SEC14L1: variants seen among roughly 807,000 people sequenced by gnomAD.
SEC14L1 encodes the protein SEC14 like lipid binding 1, also known as SEC14-like protein 1.
SEC14L1 carries 48 observed loss-of-function variants against 85.3 expected under a neutral mutation model. The ratio of observed to expected loss-of-function variants is 0.56; its 90% confidence interval spans 0.45 to 0.72. The LOEUF is 0.72. Ranked by LOEUF, SEC14L1 falls within the 30% of genes least tolerant of loss-of-function variation. The pLI, the probability that SEC14L1 is intolerant of heterozygous loss-of-function variation, is 0.00. For synonymous variants in SEC14L1, 391 were observed against 355.5 expected, an observed-to-expected ratio of 1.10 and a Z score of -1.12; for missense variants, 682 against 921.4, an observed-to-expected ratio of 0.74 and a Z score of 3.36.
chr17:77,214,990 C>T lies in SEC14L1; in HGVS notation c.*967C>T, dbSNP rs1195788329. 9.1e-6 allele frequency: 9 copies of T among 985,286 alleles called. No individual in the cohort carries two copies. The South Asian group carries it at 1.9e-4, about 21-fold the overall frequency. The allele number at this position is 985,286 out of a possible 1,614,324, so 61.0% of individuals were successfully genotyped here. On this transcript the variant is annotated 3_prime_UTR_variant, in exon 17 of 17. Transcript: ENST00000436233. ...TTATTAGTAGCTAAGCAGCAGCTCT[C>T]GCATCCACTTCAGGGTGGCGTGTGG... is the stretch of plus-strand genomic sequence containing the variant.
chr17:77,107,094 C>G (rs567023363), intron 3 of SEC14L1, among the ~76,000 whole-genome samples: 2 of 152,344 alleles, frequency 1.3e-5, no homozygotes, highest in South Asian at 4.1e-4. Flanking sequence ...CAATGAAGAG[C>G]TTTAATGACT....
rs1976491851 is a variant in SEC14L1 at position 77,206,952 on chromosome 17, C to A, written c.1476+90C>A. The A allele has an allele frequency of 7.6e-7, 1 of 1,311,020 alleles. No homozygotes were observed. Among genetic ancestry groups the A allele is most frequent in the Non-Finnish European group, 1.0e-6 (1 of 978,982 alleles). The allele number at this position is 1,311,020 out of a possible 1,614,324, so 81.2% of individuals were successfully genotyped here. Reference sequence around the variant, plus strand: ...TTTGCACAAATGATTTTCAGAACTTCCAGTTGTTTGGATGTTTTGTTTTTG... The same window carrying A: ...TTTGCACAAATGATTTTCAGAACTTACAGTTGTTTGGATGTTTTGTTTTTG... On this transcript the variant is annotated intron_variant, in intron 13 of 16. Transcript: ENST00000436233. The surrounding 1 kb of genome is among the most constrained non-coding windows in gnomAD (Gnocchi z 4.3).
chr17:77,108,897 A>G (rs1971986416), intron 3 of SEC14L1, among the ~76,000 whole-genome samples: 1 of 149,136 alleles, frequency 6.7e-6, no homozygotes, highest in Non-Finnish European at 1.5e-5. Context: ...ATCTCAGCTC[A>G]CTGCAACCTC....
At chr17:77,133,881 G>A (rs1972694104) in intron 3 of SEC14L1, among the ~76,000 whole-genome samples, 2 of 144,964 alleles carry the variant, frequency 1.4e-5, no homozygotes, top group Non-Finnish European at 3.0e-5. Flanking sequence ...GGAGGTTGCA[G>A]TGAACTAAGA....
At chr17:77,144,516 C>T (rs1472164972) in intron 3 of SEC14L1, 2 of 152,212 alleles carry the variant, frequency 1.3e-5, no homozygotes, top group Non-Finnish European at 2.9e-5. Context: ...TGCTTCTGCT[C>T]AGCGTATGTT....
At chr17:77,184,135 G>T (rs1435476869) in intron 3 of SEC14L1, among the ~76,000 whole-genome samples, 3 of 152,120 alleles carry the variant, frequency 2.0e-5, no homozygotes, top group Admixed American at 6.5e-5. Context: ...CCTGAGGGCC[G>T]CAGAAGCCTG....
chr17:77,165,314 G>A lies in SEC14L1; in HGVS notation c.63+21655G>A, dbSNP rs575678756. 3.3e-5 allele frequency among the ~76,000 whole-genome samples: 5 copies of A among 152,270 alleles called. No individual in the cohort carries two copies. In the East Asian group the frequency reaches 9.6e-4, roughly 29 times the overall value. ...CGTGCCTGTGACACAGCCTCAGGAG[G>A]TGCTGACAACATGTGCTCAAGGTGG... On this transcript the variant is annotated intron_variant, in intron 3 of 16. Coordinates refer to ENST00000436233, the MANE Select transcript of SEC14L1 (RefSeq NM_001143998.2).
At chr17:77,144,315 C>T (rs1973180835) in intron 3 of SEC14L1, among the ~76,000 whole-genome samples, 1 of 152,098 alleles carries the variant, frequency 6.6e-6, no homozygotes, top group Non-Finnish European at 1.5e-5. Context: ...GAGCACACAC[C>T]TGATGAAAAC....
intron 3 of SEC14L1, among the ~76,000 whole-genome samples, chr17:77,184,749 A>C (rs1975191234): frequency 6.6e-6 from 1 of 152,244 alleles, no homozygotes; most frequent in Admixed American, 6.5e-5. Flanking sequence ...GCTCATCATG[A>C]ACTGAGATGT....
At chr17:77,203,863 G>A (rs1160897536) in intron 10 of SEC14L1, among the ~76,000 whole-genome samples, 1 of 152,156 alleles carries the variant, frequency 6.6e-6, no homozygotes, top group Non-Finnish European at 1.5e-5. Flanking sequence ...GCGTCAGTGA[G>A]GCAGTCAGGG....
At chr17:77,147,373 T>TA (rs146324385) in intron 3 of SEC14L1, among the ~76,000 whole-genome samples, 26,824 of 149,044 alleles carry the variant, frequency 0.18, 2,776 homozygotes, top group Non-Finnish European at 0.25. Flanking sequence ...TCAGTACCAT[T>TA]AAAAAAAAAA....
chr17:77,119,386 T>A (rs1972247389), intron 3 of SEC14L1, among the ~76,000 whole-genome samples: 1 of 151,850 alleles, frequency 6.6e-6, no homozygotes, highest in Non-Finnish European at 1.5e-5. Flanking sequence ...TTCCAGACTC[T>A]GTCCTACCCA....
At chr17:77,152,000 G>A (rs1409359999) in intron 3 of SEC14L1, among the ~76,000 whole-genome samples, 4 of 151,990 alleles carry the variant, frequency 2.6e-5, no homozygotes, top group Non-Finnish European at 5.9e-5. Flanking sequence ...TTTTGAGATA[G>A]GGTTTTGCTT....
At chr17:77,172,679 A>C (rs1014701437) in intron 3 of SEC14L1, among the ~76,000 whole-genome samples, 1 of 152,210 alleles carries the variant, frequency 6.6e-6, no homozygotes, top group African/African-American at 2.4e-5. Context: ...GAGCTTTAAC[A>C]TCCCCTGCCC....
intron 9 of SEC14L1, 65 bp downstream of exon 9, chr17:77,200,738 A>G: frequency 6.6e-7 from 1 of 1,505,232 alleles, no homozygotes; most frequent in Non-Finnish European, 9.0e-7. Context: ...GATATCTTCC[A>G]AGGCCTCCTT....
rs143320926 is a variant in SEC14L1, at chr17:77,209,465, G to T, written c.1600G>T (p.Ala534Ser). The T allele has an allele frequency of 4.1e-3, 6,551 of 1,614,048 alleles. 33 individuals are homozygous for T. The highest frequency in any genetic ancestry group is 0.01 in the South Asian group (956 of 91,074). Residue 534 changes from alanine to serine, a missense_variant, in exon 14 of 17, where the codon GCC becomes TCC. This residue lies in a region of SEC14L1 where 420 missense variants were observed against 619.5 expected (regional missense o/e 0.68). Coordinates refer to ENST00000436233, the MANE Select transcript of SEC14L1 (RefSeq NM_001143998.2). ...IYQSASVFKG[A>S]PHEILIQIVD... Reference sequence around the variant, plus strand: ...CCAGTCTGCAAGCGTCTTCAAAGGAGCCCCACATGAGGTACGTCCTCCGCC... The same window carrying T: ...CCAGTCTGCAAGCGTCTTCAAAGGATCCCCACATGAGGTACGTCCTCCGCC...
At position 77,146,649 on chromosome 17, in the gene SEC14L1, T is replaced by C. The variant is rs1973323622; in HGVS notation, c.63+2990T>C. On this transcript the variant is annotated intron_variant, in intron 3 of 16. Transcript: ENST00000436233. ...GATTTAAAACTTACTAGTTAGAAAC[T>C]TTTTTTTTTGCCTCACCAGCTTCAG... Among the ~76,000 whole-genome samples the C allele has an allele frequency of 2.0e-5, 3 of 149,356 alleles. No individual in the cohort carries two copies. In the South Asian group the frequency reaches 6.3e-4, roughly 31 times the overall value.
At chr17:77,101,457 C>A (rs1428906366) in intron 3 of SEC14L1, among the ~76,000 whole-genome samples, 2 of 152,196 alleles carry the variant, frequency 1.3e-5, no homozygotes, top group Non-Finnish European at 2.9e-5. Flanking sequence ...GGATTACAGG[C>A]ATGAGCCACT....
intron 3 of SEC14L1, among the ~76,000 whole-genome samples, chr17:77,182,030 G>A (rs988313629): frequency 2.0e-5 from 3 of 152,068 alleles, no homozygotes; most frequent in African/African-American, 7.2e-5. Flanking sequence ...TTACTTACTG[G>A]TTCTTTCCAG....
Sources: allele counts gnomAD v4.1 joint callset (sites outside exome capture counted in the v4.1 genomes callset), GRCh38; gene constraint gnomAD v4.1.1; regional missense constraint gnomAD v4.1.1; non-coding constraint Gnocchi (gnomAD v3.1); transcripts MANE v1.5; gene names NCBI Gene and HGNC (gene_info 2026-07-23, HGNC 2026-07-21).